PCED1B: variants seen among roughly 807,000 people sequenced by gnomAD.
PCED1B encodes the protein PC-esterase domain-containing protein 1B.
For missense variants in PCED1B, 573 were observed against 573.9 expected (o/e 1.00, Z 0.02); for synonymous variants, 251 against 246.1 (o/e 1.02, Z -0.19).
At chr12:47,108,557 T>C (rs1939056247) in intron 2 of PCED1B, among the ~76,000 whole-genome samples, 1 of 152,226 alleles carries the variant, frequency 6.6e-6, no homozygotes, top group Admixed American at 6.5e-5. Context: ...AAATTGCAAT[T>C]TAATTTTTAT....
intron 2 of PCED1B, among the ~76,000 whole-genome samples, chr12:47,132,326 C>T (rs1350221491): frequency 6.6e-6 from 1 of 151,340 alleles, no homozygotes; most frequent in African/African-American, 2.4e-5. Flanking sequence ...TTTTTATTTC[C>T]ATGTGTACTT....
intron 2 of PCED1B, among the ~76,000 whole-genome samples, chr12:47,124,510 GT>G (rs35428796): frequency 0.6 from 85,781 of 143,712 alleles, 25,242 homozygotes; most frequent in East Asian, 0.66. Flanking sequence ...TATACATGAG[GT>G]TTTTTTTTTT....
chr12:47,162,985 T>C (rs1941435250), intron 2 of PCED1B, among the ~76,000 whole-genome samples: 1 of 152,232 alleles, frequency 6.6e-6, no homozygotes, highest in African/African-American at 2.4e-5. Flanking sequence ...GGAATTTTAA[T>C]AGGGATTGCA....
intron 2 of PCED1B, among the ~76,000 whole-genome samples, chr12:47,215,968 G>C (rs553904142): frequency 1.3e-5 from 2 of 151,996 alleles, no homozygotes; most frequent in Non-Finnish European, 2.9e-5. Context: ...CAGGAGAATC[G>C]CTTGAACCTG....
chr12:47,144,227 A>T lies in PCED1B; in HGVS notation c.-526+40032A>T, dbSNP rs540564904. ...AGCTAAGGCAGCCGAGGAGCAATGC[A>T]CTGAAATGTGGGAAGGAGAAATCTA... is the stretch of plus-strand genomic sequence containing the variant. On this transcript the variant is annotated intron_variant, in intron 2 of 3. Coordinates refer to ENST00000546455, the MANE Select transcript of PCED1B (RefSeq NM_138371.3). Among the ~76,000 whole-genome samples the T allele has an allele frequency of 3.3e-5, 5 of 152,292 alleles. No individual in the cohort carries two copies. In the South Asian group the frequency reaches 1.0e-3, roughly 32 times the overall value.
At chr12:47,222,936 C>G (rs1275940830) in intron 3 of PCED1B, among the ~76,000 whole-genome samples, 3 of 152,240 alleles carry the variant, frequency 2.0e-5, no homozygotes, top group Non-Finnish European at 4.4e-5. Context: ...ACTAATCATT[C>G]TGGGGAAACA....
intron 2 of PCED1B, among the ~76,000 whole-genome samples, chr12:47,168,860 G>C (rs1013120592): frequency 6.6e-6 from 1 of 151,834 alleles, no homozygotes; most frequent in East Asian, 1.9e-4. Context: ...TTTTATTAGA[G>C]AATATAACCT....
intron 3 of PCED1B, 62 bp from the exon 4 acceptor site, chr12:47,234,945 C>A: frequency 1.1e-6 from 1 of 919,212 alleles, no homozygotes; most frequent in Non-Finnish European, 1.6e-6. Context: ...CTACCCCCAA[C>A]CTGCACTGGG....
chr12:47,235,114 C>T lies in PCED1B; in HGVS notation c.51C>T (p.Phe17=). Residue 17 remains phenylalanine, a synonymous_variant, in exon 4 of 4, where the codon TTC becomes TTT. Coordinates refer to ENST00000546455, the MANE Select transcript of PCED1B (RefSeq NM_138371.3). ...SEVRQLLHNK[F]VVILGDSVHR... is the part of the protein sequence containing the mutation. ...TGCGGCAGCTGCTTCACAATAAGTT[C>T]GTGGTCATCCTGGGGGACTCTGTGC... 2 of 1,532,594 alleles carry T rather than the reference C, an allele frequency of 1.3e-6. No homozygotes were observed. The highest frequency in any genetic ancestry group is 1.4e-5 in the African/African-American group (1 of 72,368). The allele number at this position is 1,532,594 out of a possible 1,614,324, so 94.9% of individuals were successfully genotyped here.
At chr12:47,180,090 C>T (rs1328775095) in intron 2 of PCED1B, among the ~76,000 whole-genome samples, 1 of 152,174 alleles carries the variant, frequency 6.6e-6, no homozygotes, top group Non-Finnish European at 1.5e-5. Context: ...CTGATCTTCT[C>T]TCTCCTCACA....
intron 1 of PCED1B, among the ~76,000 whole-genome samples, chr12:47,103,474 T>G (rs1938807237): frequency 1.3e-5 from 2 of 152,206 alleles, no homozygotes; most frequent in African/African-American, 4.8e-5. Context: ...ACAGTAGTAA[T>G]TCGCAGCTAT....
At chr12:47,128,115 A>T (rs973904227) in intron 2 of PCED1B, among the ~76,000 whole-genome samples, 1 of 152,226 alleles carries the variant, frequency 6.6e-6, no homozygotes, top group East Asian at 1.9e-4. Flanking sequence ...ATCTGTAAAT[A>T]AAAAAACGAA....
At chr12:47,175,197 T>C (rs1592239718) in intron 2 of PCED1B, among the ~76,000 whole-genome samples, 1 of 152,210 alleles carries the variant, frequency 6.6e-6, no homozygotes, top group African/African-American at 2.4e-5. Flanking sequence ...AGTTAAAATA[T>C]GGTGCTGGCT....
At chr12:47,101,673 A>G (rs942655822) in intron 1 of PCED1B, among the ~76,000 whole-genome samples, 2 of 152,168 alleles carry the variant, frequency 1.3e-5, no homozygotes, top group Admixed American at 1.3e-4. Flanking sequence ...TGGTCCGGGC[A>G]CGGTGGCTCA....
At chr12:47,196,316 A>G (rs1166955715) in intron 2 of PCED1B, among the ~76,000 whole-genome samples, 1 of 152,250 alleles carries the variant, frequency 6.6e-6, no homozygotes, top group Middle Eastern at 3.2e-3. Context: ...TGTGCCTACC[A>G]GAAACAAGAT....
intron 2 of PCED1B, among the ~76,000 whole-genome samples, chr12:47,154,941 TTTTTG>T (rs1941142913): frequency 6.6e-6 from 1 of 152,058 alleles, no homozygotes; most frequent in Non-Finnish European, 1.5e-5. Context: ...AACTAAGTAT[TTTTTG>T]TTTTGTTTTG....
chr12:47,121,334 GTGGGTACTCAT>G (rs1939671635), intron 2 of PCED1B, among the ~76,000 whole-genome samples: 1 of 152,060 alleles, frequency 6.6e-6, no homozygotes, highest in South Asian at 2.1e-4. Context: ...TGAATCGTTA[GTGGGTACTCAT>G]TGCCCTGAAG....
intron 3 of PCED1B, among the ~76,000 whole-genome samples, chr12:47,219,156 A>AT (rs1409092244): frequency 5.7e-4 from 86 of 152,192 alleles, no homozygotes; most frequent in Non-Finnish European, 7.1e-4. Flanking sequence ...ACAAAAATAA[A>AT]AAAGTTTCTT....
At chr12:47,220,236 A>C (rs1398205209) in intron 3 of PCED1B, among the ~76,000 whole-genome samples, 2 of 152,086 alleles carry the variant, frequency 1.3e-5, no homozygotes, top group Non-Finnish European at 1.5e-5. Flanking sequence ...CAGTGGCGCG[A>C]TCTTGGCTCA....
Sources: allele counts gnomAD v4.1 joint callset (sites outside exome capture counted in the v4.1 genomes callset), GRCh38; gene constraint gnomAD v4.1.1; transcripts MANE v1.5; gene names NCBI Gene and HGNC (gene_info 2026-07-23, HGNC 2026-07-21).